Variants in PPP2R3A observed in about 807,000 individuals in gnomAD.
PPP2R3A encodes serine/threonine-protein phosphatase 2A regulatory subunit B'' subunit alpha.
Under a neutral mutation model 106.9 loss-of-function variants are expected in PPP2R3A, and 80 were observed. That is an observed-to-expected ratio of 0.75 (90% CI 0.62 to 0.90). The LOEUF is 0.90. Among genes scored for constraint, PPP2R3A ranks in the 40% least tolerant of loss-of-function variants. The pLI, the probability that PPP2R3A is intolerant of heterozygous loss-of-function variation, is 0.00. For missense variants in PPP2R3A, 1,386 were observed against 1,350.4 expected, an observed-to-expected ratio of 1.03 and a Z score of -0.41; for synonymous variants, 483 against 468.3, an observed-to-expected ratio of 1.03 and a Z score of -0.41.
intron 13 of PPP2R3A, among the ~76,000 whole-genome samples, chr3:136,114,553 A>C (rs1937666708): frequency 6.6e-6 from 1 of 152,196 alleles, no homozygotes; most frequent in African/African-American, 2.4e-5. Flanking sequence ...TCTTGCTGCC[A>C]GCACAACAGT....
intron 3 of PPP2R3A, among the ~76,000 whole-genome samples, chr3:136,034,411 A>G (rs1935013737): frequency 6.6e-6 from 1 of 152,098 alleles, no homozygotes. Context: ...AGAGGGTTTG[A>G]TAGGTTGTGT....
At chr3:135,996,994 C>G (rs1933425847) in intron 1 of PPP2R3A, among the ~76,000 whole-genome samples, 1 of 152,196 alleles carries the variant, frequency 6.6e-6, no homozygotes, top group African/African-American at 2.4e-5. Flanking sequence ...CCACCTTCCT[C>G]TGAGACTAAT....
At chr3:136,102,234 G>A (rs759256002) in intron 11 of PPP2R3A, 52 bp downstream of exon 11, 4 of 1,578,842 alleles carry the variant, frequency 2.5e-6, no homozygotes, top group African/African-American at 1.3e-5. Flanking sequence ...ATCAGAGGAG[G>A]GCAAAGAATC....
chr3:136,071,309 A>G (rs900353632), intron 6 of PPP2R3A, among the ~76,000 whole-genome samples: 1 of 152,236 alleles, frequency 6.6e-6, no homozygotes, highest in Non-Finnish European at 1.5e-5. Flanking sequence ...TTGTTAGCCA[A>G]AGATATGTTA....
intron 13 of PPP2R3A, among the ~76,000 whole-genome samples, chr3:136,139,723 G>C (rs1468711337): frequency 6.7e-6 from 1 of 148,766 alleles, no homozygotes; most frequent in Non-Finnish European, 1.5e-5. Flanking sequence ...TTTGTTCTCA[G>C]CTGGGCATGG....
chr3:136,026,911 C>T lies in PPP2R3A; in HGVS notation c.2075C>T (p.Ser692Phe), dbSNP rs1448020998. The T allele has an allele frequency of 5.0e-6, 8 of 1,613,196 alleles. No homozygotes were observed. The highest frequency in any genetic ancestry group is 6.8e-6 in the Non-Finnish European group (8 of 1,179,304). ...ATSPSSPRPL[S>F]PVPHVNNVVN... The stretch of plus-strand genomic sequence containing the variant: ...TCTCCAAGTAGTCCCCGACCTCTCT[C>T]CCCGGTTCCCCATGTGAATAATGTT... The change falls in exon 3 of 14, where the codon TCC (serine) becomes TTC (phenylalanine). Residue 692 changes from serine (S) to phenylalanine (F), a missense_variant. Physicochemically the swap from Ser to Phe is radical, Grantham distance 155. Transcript: ENST00000264977.
At chr3:136,050,973 G>T (rs1449873124) in intron 5 of PPP2R3A, among the ~76,000 whole-genome samples, 1 of 152,026 alleles carries the variant, frequency 6.6e-6, no homozygotes, top group Non-Finnish European at 1.5e-5. Context: ...TAAGGTTTTA[G>T]AGAGAGAGAG....
At chr3:135,985,241 C>T (rs1937591549) in intron 1 of PPP2R3A, among the ~76,000 whole-genome samples, 1 of 151,856 alleles carries the variant, frequency 6.6e-6, no homozygotes, top group Admixed American at 6.6e-5. Context: ...CTTTGAAAGC[C>T]CAGTACAAGA....
chr3:136,056,026 C>A (rs1036085530), intron 5 of PPP2R3A, among the ~76,000 whole-genome samples: 1 of 152,132 alleles, frequency 6.6e-6, no homozygotes, highest in African/African-American at 2.4e-5. Context: ...TTAGTATGTA[C>A]CTTTGGCAAG....
At chr3:136,129,243 G>GA (rs1175229092) in intron 13 of PPP2R3A, among the ~76,000 whole-genome samples, 1 of 150,338 alleles carries the variant, frequency 6.7e-6, no homozygotes, top group African/African-American at 2.4e-5. Flanking sequence ...GTGGTTTTTT[G>GA]AAAAAATCAA....
chr3:136,020,806 T>A (rs1024777295), intron 2 of PPP2R3A, among the ~76,000 whole-genome samples: 2 of 152,134 alleles, frequency 1.3e-5, no homozygotes, highest in Non-Finnish European at 2.9e-5. Context: ...TTAGTTGCTC[T>A]GTTTCAGAGG....
intron 1 of PPP2R3A, among the ~76,000 whole-genome samples, chr3:135,978,467 G>A (rs967618170): frequency 1.3e-5 from 2 of 148,386 alleles, no homozygotes; most frequent in Non-Finnish European, 3.0e-5. Flanking sequence ...TATGATTGGT[G>A]TTGTGGACAA....
At chr3:136,061,640 G>A (rs1179524925) in intron 5 of PPP2R3A, among the ~76,000 whole-genome samples, 1 of 150,430 alleles carries the variant, frequency 6.6e-6, no homozygotes. Context: ...AGCAAGCGAG[G>A]CCGGGCACAG....
At chr3:136,017,858 C>T (rs916899108) in intron 2 of PPP2R3A, among the ~76,000 whole-genome samples, 1 of 152,222 alleles carries the variant, frequency 6.6e-6, no homozygotes, top group Admixed American at 6.5e-5. Flanking sequence ...AGCTTTGCTG[C>T]CTGCATTATT....
chr3:136,065,681 A>C (rs1444741127), intron 5 of PPP2R3A, among the ~76,000 whole-genome samples: 2 of 152,166 alleles, frequency 1.3e-5, no homozygotes, highest in African/African-American at 4.8e-5. Flanking sequence ...ACTAATATGC[A>C]AAATAAGAAA....
intron 1 of PPP2R3A, among the ~76,000 whole-genome samples, chr3:135,973,332 A>G (rs1016689999): frequency 6.6e-6 from 1 of 152,202 alleles, no homozygotes; most frequent in African/African-American, 2.4e-5. Context: ...ACAAATACTC[A>G]TGATTATTAT....
At chr3:136,070,170 G>C (rs1023704845) in intron 5 of PPP2R3A, among the ~76,000 whole-genome samples, 1 of 152,290 alleles carries the variant, frequency 6.6e-6, no homozygotes, top group East Asian at 1.9e-4. Flanking sequence ...TCTGTGGGAT[G>C]AATTGCCTTG....
At chr3:136,073,918 A>G (rs146185805) in intron 6 of PPP2R3A, among the ~76,000 whole-genome samples, 22 of 152,364 alleles carry the variant, frequency 1.4e-4, no homozygotes, top group African/African-American at 5.0e-4. Flanking sequence ...AAGTGACCAA[A>G]TTAAAAAGAC....
chr3:136,122,924 T>A (rs569402224), intron 13 of PPP2R3A, among the ~76,000 whole-genome samples: 14 of 152,322 alleles, frequency 9.2e-5, no homozygotes, highest in Middle Eastern at 6.8e-3. Flanking sequence ...TTAAATTGAT[T>A]CTTTGAAGGC....
Sources: allele counts gnomAD v4.1 joint callset (sites outside exome capture counted in the v4.1 genomes callset), GRCh38; gene constraint gnomAD v4.1.1; transcripts MANE v1.5; gene names NCBI Gene and HGNC (gene_info 2026-07-23, HGNC 2026-07-21).